PLK4: variants seen among roughly 807,000 people sequenced by gnomAD.
PLK4 encodes serine/threonine-protein kinase PLK4.
PLK4 carries 51 observed loss-of-function variants against 103.0 expected under a neutral mutation model. The observed-to-expected ratio is 0.50, with a 90% CI of 0.40 to 0.63. The LOEUF (loss-of-function observed/expected upper bound fraction) is 0.63. Among genes scored for constraint, PLK4 ranks in the 20% least tolerant of loss-of-function variants. PLK4 has a pLI of 0.00. For missense variants in PLK4, 1,054 were observed against 1,151.0 expected, an observed-to-expected ratio of 0.92 and a Z score of 1.22; for synonymous variants, 389 against 376.8, an observed-to-expected ratio of 1.03 and a Z score of -0.38.
rs759604587 is a variant in PLK4, at chr4:127,883,318, G to A, written c.183G>A (p.Val61=). ...AGMVQRVQNE[V]KIHCQLKHPS... ...TGGTACAGAGAGTCCAAAATGAGGT[G>A]AAAATACATTGCCAATTGAAACATC... Residue 61 remains valine, a synonymous_variant, in exon 3 of 16, where the codon GTG becomes GTA. Coordinates refer to ENST00000270861, the MANE Select transcript of PLK4 (RefSeq NM_014264.5). 1 of 1,604,674 alleles carries A rather than the reference G, an allele frequency of 6.2e-7. No individual in the cohort carries two copies. Among genetic ancestry groups the A allele is most frequent in the Non-Finnish European group, 8.5e-7 (1 of 1,171,760 alleles).
chr4:127,888,251 T>C (rs1735221319), intron 6 of PLK4, among the ~76,000 whole-genome samples: 1 of 133,278 alleles, frequency 7.5e-6, no homozygotes, highest in South Asian at 2.5e-4. Context: ...TGTTACAATA[T>C]TTGAATATTT....
chr4:127,896,316 A>G (rs1361940081), intron 14 of PLK4, among the ~76,000 whole-genome samples: 1 of 152,176 alleles, frequency 6.6e-6, no homozygotes, highest in Non-Finnish European at 1.5e-5. Context: ...TGAGTGACAC[A>G]TTGTGACTAT....
In PLK4 at chr4:127,881,158, G is replaced by A; in HGVS notation, c.24G>A (p.Lys8=). 1.2e-6 allele frequency: 2 copies of A among 1,614,032 alleles called. No individual in the cohort carries two copies. Among genetic ancestry groups the A allele is most frequent in the Non-Finnish European group, 1.7e-6 (2 of 1,180,018 alleles). The change falls in exon 1 of 16, where the codon AAG becomes AAA. Residue 8 remains lysine, a synonymous_variant. Coordinates refer to ENST00000270861, the MANE Select transcript of PLK4 (RefSeq NM_014264.5). ...ATATGGCGACCTGCATCGGGGAGAA[G>A]ATCGAGGTGAAAAGACTCGGCAGTC... MATCIGE[K]IEDFKVGNLL... is the part of the protein sequence containing the mutation.
chr4:127,886,068 T>C lies in PLK4; in HGVS notation c.698T>C (p.Phe233Ser), dbSNP rs756265121. Residue 233 changes from phenylalanine to serine, a missense_variant, in exon 5 of 16, where the codon TTT becomes TCT. Around this residue, in one of 4 missense-constraint regions of PLK4, gnomAD observed 680 missense variants for 660.3 expected, o/e 1.03. Coordinates refer to ENST00000270861, the MANE Select transcript of PLK4 (RefSeq NM_014264.5). The part of the protein sequence containing the change: ...VVLADYEMPS[F>S]LSIEAKDLIH... ...TTGGCAGATTATGAAATGCCATCTT[T>C]TTTGTCAATAGAGGCCAAGGACCTT... 2.5e-6 allele frequency: 4 copies of C among 1,614,178 alleles called. No individual in the cohort carries two copies. The highest frequency in any genetic ancestry group is 1.7e-5 in the Admixed American group (1 of 60,022).
intron 6 of PLK4, among the ~76,000 whole-genome samples, chr4:127,888,698 A>T (rs908088038): frequency 6.6e-6 from 1 of 152,222 alleles, no homozygotes; most frequent in Non-Finnish European, 1.5e-5. Context: ...ATTAATGAAC[A>T]TGACAGATTC....
At chr4:127,896,763 T>G in intron 14 of PLK4, 38 bp from the exon 15 acceptor site, 1 of 1,220,684 alleles carries the variant, frequency 8.2e-7, no homozygotes, top group African/African-American at 1.5e-5. Context: ...TTTTTTTTTT[T>G]CTGTGCCTGT....
chr4:127,883,516 T>C lies in PLK4; in HGVS notation c.300T>C (p.Tyr100=). The change falls in exon 4 of 16, where the codon TAT becomes TAC. Residue 100 remains tyrosine (Y), a synonymous_variant. Transcript: ENST00000270861. ...GCCATAATGGAGAAATGAACAGGTA[T>C]CTAAAGAATAGAGTGAAACCCTTCT... The part of the protein sequence containing the change: ...EMCHNGEMNR[Y]LKNRVKPFSE... 1 of 1,546,648 alleles carries C rather than the reference T, an allele frequency of 6.5e-7. No homozygotes were observed. The highest frequency in any genetic ancestry group is 8.9e-7 in the Non-Finnish European group (1 of 1,119,696).
chr4:127,882,492 G>A (rs921032853), intron 2 of PLK4, among the ~76,000 whole-genome samples: 2 of 152,166 alleles, frequency 1.3e-5, no homozygotes. Context: ...GGGCACGGTG[G>A]CTCACGCCTG....
At chr4:127,898,044 G>A (rs1201875321) in intron 15 of PLK4, among the ~76,000 whole-genome samples, 1 of 151,486 alleles carries the variant, frequency 6.6e-6, no homozygotes, top group Non-Finnish European at 1.5e-5. Context: ...CAACATATTG[G>A]CCAGGCTGGT....
In PLK4 at chr4:127,890,297, G is replaced by A. The variant is rs537139592; in HGVS notation, c.1830+61G>A. The A allele has an allele frequency of 2.7e-5, 37 of 1,390,310 alleles. No individual in the cohort carries two copies. The African/African-American group carries it at 4.3e-4, about 16-fold the overall frequency. The allele number at this position is 1,390,310 out of a possible 1,614,324, so 86.1% of individuals were successfully genotyped here. On this transcript the variant is annotated intron_variant, in intron 7 of 15. Transcript: ENST00000270861. ...TTTTACTTGAGAATACAATTCTTGAGAACATATTTTTTAGTCCTCTGTAAT... is the reference window on the plus strand; with the variant it reads ...TTTTACTTGAGAATACAATTCTTGAAAACATATTTTTTAGTCCTCTGTAAT...
rs1735168956 is a variant in PLK4, at chr4:127,887,187, A to G, written c.1359-209A>G. The stretch of plus-strand genomic sequence containing the variant: ...TAAATTATAAGAGGGCAGTAGCCAT[A>G]CAGAAATGCTGTCAAAGTGCCCTGG... On this transcript the variant is annotated intron_variant, in intron 5 of 15. Transcript: ENST00000270861. 4 of 465,594 alleles carry G rather than the reference A, an allele frequency of 8.6e-6. No homozygotes were observed. The South Asian group carries it at 1.6e-4, about 19-fold the overall frequency. 28.8% of individuals were successfully genotyped at this position (465,594 alleles called of 1,614,324 possible).
intron 14 of PLK4, 70 bp downstream of exon 14, chr4:127,895,163 T>C: frequency 9.6e-7 from 1 of 1,045,492 alleles, no homozygotes; most frequent in Non-Finnish European, 1.3e-6. Context: ...GATAAGACAA[T>C]TACCAAAAAA....
At chr4:127,887,122 GT>G (rs201095401) in intron 5 of PLK4, among the ~76,000 whole-genome samples, 1 of 151,582 alleles carries the variant, frequency 6.6e-6, no homozygotes, top group African/African-American at 2.4e-5. Context: ...TGTATTGTGT[GT>G]TTTTTTTCTT....
chr4:127,897,812 G>A (rs1735623483), intron 15 of PLK4, among the ~76,000 whole-genome samples: 3 of 74,022 alleles, frequency 4.1e-5, no homozygotes, highest in African/African-American at 5.4e-5. Context: ...GTATTTTTCT[G>A]TAGAATTAGG....
rs960237505 is a variant in PLK4, at chr4:127,886,355, A to G, written c.985A>G (p.Lys329Glu). The change falls in exon 5 of 16, where the codon AAA (lysine) becomes GAA (glutamate). Residue 329 changes from lysine to glutamate, a missense_variant. Around this residue, in one of 4 missense-constraint regions of PLK4, gnomAD observed 680 missense variants for 660.3 expected, o/e 1.03. Coordinates refer to ENST00000270861, the MANE Select transcript of PLK4 (RefSeq NM_014264.5). ...TAAAATGACTGTATTTCCAAAGAAT[A>G]AAAGTTCAACTGATTTTTCTTCTTC... ...PNKMTVFPKNKSSTDFSSSGD... is the reference protein window; with the variant it reads ...PNKMTVFPKNESSTDFSSSGD... The G allele has an allele frequency of 6.2e-7, 1 of 1,613,788 alleles. No individual in the cohort carries two copies. Among genetic ancestry groups the G allele is most frequent in the South Asian group, 1.1e-5 (1 of 90,956 alleles).
chr4:127,891,440 T>A, intron 8 of PLK4, 139 bp from the exon 9 acceptor site: 3 of 452,876 alleles, frequency 6.6e-6, no homozygotes, highest in East Asian at 6.8e-5. Context: ...AGCAAAAAAA[T>A]TACTTTTACA....
At chr4:127,890,543 A>T (rs560005653) in intron 7 of PLK4, among the ~76,000 whole-genome samples, 1 of 152,290 alleles carries the variant, frequency 6.6e-6, no homozygotes, top group African/African-American at 2.4e-5. Flanking sequence ...TTTGTTCACA[A>T]TTCCAATCAG....
At chr4:127,881,966 A>C in intron 2 of PLK4, 40 bp downstream of exon 2, 1 of 1,076,650 alleles carries the variant, frequency 9.3e-7, no homozygotes, top group Non-Finnish European at 1.4e-6. Context: ...GTACTTTGCA[A>C]GTAACTAGAG....
intron 1 of PLK4, among the ~76,000 whole-genome samples, chr4:127,881,551 T>C (rs1257433310): frequency 6.6e-6 from 1 of 152,090 alleles, no homozygotes. Context: ...GGGGATTGGC[T>C]GGAGATGGGA....
Sources: gnomAD v4.1 joint callset for allele counts (sites outside exome capture counted in the v4.1 genomes callset) on GRCh38, gnomAD v4.1.1 for gene constraint, gnomAD v4.1.1 regional missense constraint, MANE v1.5 for transcripts, NCBI Gene and HGNC (gene_info 2026-07-23, HGNC 2026-07-21) for gene names.